The following BTAF1 variants were observed in gnomAD, a reference collection of about 807,000 sequenced individuals.
BTAF1 encodes the protein TATA-binding protein-associated factor 172.
BTAF1 carries 38 observed loss-of-function variants against 227.1 expected under a neutral mutation model. The ratio of observed to expected loss-of-function variants is 0.17; its 90% CI spans 0.13 to 0.22. The LOEUF (loss-of-function observed/expected upper bound fraction) is 0.22, where lower values mean the gene tolerates loss of function less well. Ranked by LOEUF, BTAF1 falls within the 10% of genes least tolerant of loss-of-function variation. BTAF1 has a pLI of 1.00. For synonymous variants in BTAF1, 742 were observed against 751.9 expected (o/e 0.99, Z 0.21); for missense variants, 1,598 against 2,204.0 (o/e 0.73, Z 5.51).
intron 6 of BTAF1, among the ~76,000 whole-genome samples, chr10:91,954,998 G>A (rs1337340012): frequency 6.6e-6 from 1 of 152,214 alleles, no homozygotes; most frequent in Non-Finnish European, 1.5e-5. Flanking sequence ...TTTGTTATAT[G>A]TATTCACATA....
chr10:91,925,305 T>C (rs572216911), intron 1 of BTAF1, among the ~76,000 whole-genome samples: 1 of 152,284 alleles, frequency 6.6e-6, no homozygotes, highest in African/African-American at 2.4e-5. Context: ...TATCTTCTAA[T>C]TTGTTACCTC....
In BTAF1 at chr10:92,031,058, A is replaced by C. The variant is rs1050411441; in HGVS notation, c.*2125A>C. Among the ~76,000 whole-genome samples the C allele has an allele frequency of 1.3e-5, 2 of 152,204 alleles. No homozygotes were observed. The highest frequency in any genetic ancestry group is 6.5e-5 in the Admixed American group (1 of 15,288). ...GGGTGTGGGAAGTCAAACAAGCATGATAGAATGTTAACTATTTTAAACTGG... is the reference window on the plus strand; with the variant it reads ...GGGTGTGGGAAGTCAAACAAGCATGCTAGAATGTTAACTATTTTAAACTGG... On this transcript the variant is annotated 3_prime_UTR_variant, in exon 38 of 38. Coordinates refer to ENST00000265990, the MANE Select transcript of BTAF1 (RefSeq NM_003972.3).
rs771585054 is a variant in BTAF1, at chr10:91,992,121, T to C, written c.2857T>C (p.Ser953Pro). Reference sequence around the variant, plus strand: ...TTGTTTAACTTTTTTCTTATTAGGATCCACCTCAGAAAAAGATGGAATGCA... The same window carrying C: ...TTGTTTAACTTTTTTCTTATTAGGACCCACCTCAGAAAAAGATGGAATGCA... ...TQSGQENSKG[S>P]TSEKDGMHHT... Residue 953 changes from serine to proline, a missense_variant and splice_region_variant, in exon 21 of 38, where the codon TCC becomes CCC. Physicochemically the swap from Ser to Pro is moderately conservative, Grantham distance 74. Coordinates refer to ENST00000265990, the MANE Select transcript of BTAF1 (RefSeq NM_003972.3). The C allele has an allele frequency of 9.0e-6, 14 of 1,563,274 alleles. No individual in the cohort carries two copies. In the African/African-American group the frequency reaches 1.9e-4, roughly 21 times the overall value.
intron 26 of BTAF1, 116 bp downstream of exon 26, chr10:92,008,391 T>G: frequency 1.0e-6 from 1 of 979,754 alleles, no homozygotes; most frequent in East Asian, 3.0e-5. Flanking sequence ...TTGCCCAGGC[T>G]GGGGTGCAGT....
intron 34 of BTAF1, among the ~76,000 whole-genome samples, chr10:92,023,740 A>G (rs1851300300): frequency 6.6e-6 from 1 of 152,088 alleles, no homozygotes; most frequent in Non-Finnish European, 1.5e-5. Flanking sequence ...GGTTCCAGCA[A>G]TTCTCCTGTC....
Position 91,935,877 on chromosome 10 carries a change from A to G in BTAF1, c.138+97A>G, listed in dbSNP as rs1589748431. 2.8e-5 allele frequency: 34 copies of G among 1,206,236 alleles called. No individual in the cohort carries two copies. The South Asian group carries it at 6.9e-4, about 25-fold the overall frequency. 74.7% of individuals were successfully genotyped at this position (1,206,236 alleles called of 1,614,324 possible). A position where few individuals can be genotyped will look rare whatever the true frequency, so the allele number is the denominator to read the frequency against. ...AAAGGTAAACATCATCTTAATTTTT[A>G]AACATTTTTGCTATTTCTTTTTTTT... is the stretch of plus-strand genomic sequence containing the variant. On this transcript the variant is annotated intron_variant, in intron 2 of 37. Coordinates refer to ENST00000265990, the MANE Select transcript of BTAF1 (RefSeq NM_003972.3).
At chr10:91,941,364 A>T (rs545526933) in intron 3 of BTAF1, among the ~76,000 whole-genome samples, 1 of 152,366 alleles carries the variant, frequency 6.6e-6, no homozygotes, top group South Asian at 2.1e-4. Context: ...TACTAATAGA[A>T]ATTCCTTTTA....
At chr10:91,998,799 C>T (rs1241097675) in intron 25 of BTAF1, among the ~76,000 whole-genome samples, 2 of 151,940 alleles carry the variant, frequency 1.3e-5, no homozygotes, top group South Asian at 2.1e-4. Context: ...GCCTGTAATC[C>T]CAGCACTTTG....
At chr10:91,971,999 G>T (rs1847339737) in intron 14 of BTAF1, among the ~76,000 whole-genome samples, 1 of 151,928 alleles carries the variant, frequency 6.6e-6, no homozygotes, top group Non-Finnish European at 1.5e-5. Context: ...ACCTACTTCT[G>T]CCTTCTGTGT....
At chr10:91,980,296 C>T (rs1263085466) in intron 14 of BTAF1, among the ~76,000 whole-genome samples, 158 bp from the exon 15 acceptor site, 1 of 152,074 alleles carries the variant, frequency 6.6e-6, no homozygotes, top group Non-Finnish European at 1.5e-5. Context: ...GTGTTGTTGC[C>T]TCAAAATCTT....
At chr10:91,988,220 ATT>A (rs925302885) in intron 19 of BTAF1, among the ~76,000 whole-genome samples, 4 of 152,120 alleles carry the variant, frequency 2.6e-5, no homozygotes, top group African/African-American at 7.2e-5. Flanking sequence ...TAGTCTCTGC[ATT>A]TTTTGAGCAT....
chr10:91,950,154 G>GA lies in BTAF1; in HGVS notation c.401-1249_401-1248insA, dbSNP rs1554851577. 1.0e-4 allele frequency among the ~76,000 whole-genome samples: 9 copies of GA among 90,340 alleles called. 1 individual carries two copies. The highest frequency in any genetic ancestry group is 9.7e-4 in the East Asian group (2 of 2,066). 59.3% of individuals were successfully genotyped at this position (90,340 alleles called of 152,430 possible). A position where few individuals can be genotyped will look rare whatever the true frequency, so the allele number is the denominator to read the frequency against. On this transcript the variant is annotated intron_variant, in intron 4 of 37. Coordinates refer to ENST00000265990, the MANE Select transcript of BTAF1 (RefSeq NM_003972.3). ...TGAGAGACCTTGTCCTTTGTGGGGGGGGGCGGGAAAGAAGACTAGGTTTTT... is the reference window on the plus strand; with the variant it reads ...TGAGAGACCTTGTCCTTTGTGGGGGGAGGGCGGGAAAGAAGACTAGGTTTTT...
chr10:92,010,948 T>C, intron 28 of BTAF1, 125 bp from the exon 29 acceptor site: 1 of 727,764 alleles, frequency 1.4e-6, no homozygotes, highest in Non-Finnish European at 2.4e-6. Flanking sequence ...CAGGGTCATG[T>C]ATGTAGAGTA....
intron 34 of BTAF1, among the ~76,000 whole-genome samples, chr10:92,020,406 T>G (rs1443348757): frequency 6.6e-6 from 1 of 152,224 alleles, no homozygotes; most frequent in African/African-American, 2.4e-5. Context: ...CTATGCCATT[T>G]AGTTCTAACT....
At position 92,030,672 on chromosome 10, in the gene BTAF1, A is replaced by C. The variant is rs914787642; in HGVS notation, c.*1739A>C. 3.9e-5 allele frequency among the ~76,000 whole-genome samples: 6 copies of C among 152,172 alleles called. No homozygotes were observed. The highest frequency in any genetic ancestry group is 1.2e-4 in the African/African-American group (5 of 41,464). On this transcript the variant is annotated 3_prime_UTR_variant, in exon 38 of 38. Coordinates refer to ENST00000265990, the MANE Select transcript of BTAF1 (RefSeq NM_003972.3). Reference sequence around the variant, plus strand: ...AGAAGTCAGATATTTAGGCTGTTTAAACTTTCTGAGAGTTTAATCAAAAGG... The same window carrying C: ...AGAAGTCAGATATTTAGGCTGTTTACACTTTCTGAGAGTTTAATCAAAAGG...
At chr10:92,025,030 C>T in intron 35 of BTAF1, 63 bp downstream of exon 35, 1 of 1,433,486 alleles carries the variant, frequency 7.0e-7, no homozygotes, top group Non-Finnish European at 9.5e-7. Flanking sequence ...AGAAGTTTGC[C>T]CCATGAAATA....
chr10:92,021,164 T>C (rs1490765895), intron 34 of BTAF1, among the ~76,000 whole-genome samples: 1 of 152,228 alleles, frequency 6.6e-6, no homozygotes, highest in Non-Finnish European at 1.5e-5. Flanking sequence ...TTTCTAAAAA[T>C]CTGTTGGTAG....
chr10:92,019,519 A>C (rs1442716309), intron 34 of BTAF1, among the ~76,000 whole-genome samples: 3 of 152,180 alleles, frequency 2.0e-5, no homozygotes, highest in African/African-American at 7.2e-5. Context: ...TTTTGGCTAG[A>C]GACTAAGGAG....
At position 91,984,136 on chromosome 10, in the gene BTAF1, C is replaced by T. The variant is rs145228893; in HGVS notation, c.2224-65C>T. The T allele has an allele frequency of 6.3e-4, 883 of 1,408,044 alleles. 1 individual carries two copies. The highest frequency in any genetic ancestry group is 1.6e-3 in the Middle Eastern group (7 of 4,486). 87.2% of individuals were successfully genotyped at this position (1,408,044 alleles called of 1,614,324 possible). A position where few individuals can be genotyped will look rare whatever the true frequency, so the allele number is the denominator to read the frequency against. The stretch of plus-strand genomic sequence containing the variant: ...TTAGAACTTGGTAGTCTACAAATGA[C>T]GATTTCTGTATCTATAAAGTTAATG... On this transcript the variant is annotated intron_variant, in intron 18 of 37. Coordinates refer to ENST00000265990, the MANE Select transcript of BTAF1 (RefSeq NM_003972.3).
Sources: allele counts gnomAD v4.1 joint callset (sites outside exome capture counted in the v4.1 genomes callset), GRCh38; gene constraint gnomAD v4.1.1; transcripts MANE v1.5; gene names NCBI Gene and HGNC (gene_info 2026-07-23, HGNC 2026-07-21).